Variants in MACF1 observed in about 807,000 individuals in gnomAD.
MACF1 encodes microtubule-actin cross-linking factor 1.
A neutral mutation model predicts 854.8 loss-of-function variants in MACF1; 193 were observed. That is an observed-to-expected ratio of 0.23 (90% CI 0.20 to 0.25). MACF1 has a LOEUF of 0.25. Ranked by LOEUF, MACF1 falls within the 10% of genes least tolerant of loss-of-function variation. The probability of loss-of-function intolerance (pLI) is 1.00; values close to 1 mark genes in which losing one functional copy is unlikely to be tolerated. For synonymous variants in MACF1, 3,185 were observed against 3,226.7 expected, an observed-to-expected ratio of 0.99 and a Z score of 0.44; for missense variants, 7,722 against 8,929.1, an observed-to-expected ratio of 0.86 and a Z score of 5.45.
chr1:39,208,923 A>C (rs1336471804), intron 1 of MACF1, among the ~76,000 whole-genome samples: 1 of 152,010 alleles, frequency 6.6e-6, no homozygotes, highest in Non-Finnish European at 1.5e-5. Flanking sequence ...ACTATTACTC[A>C]TCTCAGTATC....
At chr1:39,273,961 A>G (rs1007797154) in intron 6 of MACF1, among the ~76,000 whole-genome samples, 1 of 152,232 alleles carries the variant, frequency 6.6e-6, no homozygotes, top group Non-Finnish European at 1.5e-5. Flanking sequence ...AGGTGTAACA[A>G]TAGTGTTGTG....
At chr1:39,126,341 C>A (rs74393525) in intron 2 of MACF1, among the ~76,000 whole-genome samples, 2 of 152,128 alleles carry the variant, frequency 1.3e-5, no homozygotes, top group East Asian at 3.9e-4. Context: ...TTCAAATGTC[C>A]CCTTTTTATA....
rs60639051 is a variant in MACF1, at chr1:39,427,912, T to C, written c.16477-49T>C. 8,546 of 1,390,266 alleles carry C rather than the reference T, an allele frequency of 6.1e-3. 374 individuals are homozygous for C. In the African/African-American group the frequency reaches 0.1, roughly 17 times the overall value. 86.1% of individuals were successfully genotyped at this position (1,390,266 alleles called of 1,614,324 possible). A position where few individuals can be genotyped will look rare whatever the true frequency, so the allele number is the denominator to read the frequency against. On this transcript the variant is annotated intron_variant, in intron 62 of 100. Transcript: ENST00000564288. ...TGTTATTCATCATTTTGTGTTTACTTTTCATTTATTTTGTTTCTGTTATTC... is the reference window on the plus strand; with the variant it reads ...TGTTATTCATCATTTTGTGTTTACTCTTCATTTATTTTGTTTCTGTTATTC...
At chr1:39,090,513 G>T (rs1449412611) in intron 2 of MACF1, among the ~76,000 whole-genome samples, 4 of 152,250 alleles carry the variant, frequency 2.6e-5, no homozygotes, top group African/African-American at 4.8e-5. Flanking sequence ...GAGGTGCAGG[G>T]CCCCTGTGGG....
At chr1:39,410,448 C>T (rs776338628) in intron 58 of MACF1, 10 of 1,613,924 alleles carry the variant, frequency 6.2e-6, no homozygotes, top group Non-Finnish European at 8.5e-6. Flanking sequence ...CAAAAAGCAC[C>T]ATGGAAAAGA....
intron 2 of MACF1, among the ~76,000 whole-genome samples, chr1:39,186,214 CTGTGTGTGTGTG>C (rs200739487): frequency 0.011 from 640 of 57,550 alleles, 7 homozygotes; most frequent in African/African-American, 0.022. Flanking sequence ...CTCTCTCTCT[CTGTGTGTGTGTG>C]TGTGTGTGTG....
chr1:39,411,199 A>G, intron 58 of MACF1: 1 of 1,613,802 alleles, frequency 6.2e-7, no homozygotes, highest in Non-Finnish European at 8.5e-7. Context: ...CCCCAGCCTG[A>G]GAGAGAAAAC....
upstream of MACF1, among the ~76,000 whole-genome samples, chr1:39,203,771 A>C (rs1288870979): frequency 2.0e-5 from 3 of 152,170 alleles, no homozygotes. Flanking sequence ...CGTATGTATC[A>C]GTAGTTTTAT....
At chr1:39,304,565 C>CA in intron 23 of MACF1, 1 of 722,530 alleles carries the variant, frequency 1.4e-6, no homozygotes, top group Non-Finnish European at 2.2e-6. Context: ...TCTTTTCTTT[C>CA]TTTTTTTTTT....
At chr1:39,308,819 C>G (rs1646241418) in intron 23 of MACF1, among the ~76,000 whole-genome samples, 1 of 152,032 alleles carries the variant, frequency 6.6e-6, no homozygotes, top group Non-Finnish European at 1.5e-5. Context: ...CCACACCTGG[C>G]TAATTTTTGT....
chr1:39,234,727 G>C (rs1257481075), intron 2 of MACF1, among the ~76,000 whole-genome samples: 1 of 138,664 alleles, frequency 7.2e-6, no homozygotes, highest in African/African-American at 2.6e-5. Flanking sequence ...CTGCCGGGCG[G>C]AGGGGCTCCT....
At chr1:39,270,561 G>A (rs1173710274) in intron 6 of MACF1, among the ~76,000 whole-genome samples, 1 of 152,212 alleles carries the variant, frequency 6.6e-6, no homozygotes, top group Non-Finnish European at 1.5e-5. Flanking sequence ...GACTCAGCAA[G>A]ACCATGGGTA....
intron 43 of MACF1, among the ~76,000 whole-genome samples, chr1:39,352,669 C>T (rs936343059): frequency 6.6e-6 from 1 of 152,042 alleles, no homozygotes; most frequent in Non-Finnish European, 1.5e-5. Flanking sequence ...AGGCATGCAC[C>T]ACCACACCCA....
intron 2 of MACF1, 136 bp downstream of exon 2, chr1:39,231,379 T>A: frequency 2.6e-6 from 2 of 767,448 alleles, no homozygotes; most frequent in South Asian, 1.7e-5. Context: ...ACTTTTCTTT[T>A]CTCTTCTTTT....
chr1:39,314,412 GA>G (rs888050976), intron 26 of MACF1, among the ~76,000 whole-genome samples: 21 of 141,356 alleles, frequency 1.5e-4, no homozygotes, highest in African/African-American at 2.4e-4. Flanking sequence ...TCTGTCTCAA[GA>G]AAAAAAAAAG....
At chr1:39,462,107 TTCAGTGATCA>T (rs1179618030) in intron 93 of MACF1, 70 bp downstream of exon 93, 1 of 1,480,480 alleles carries the variant, frequency 6.8e-7, no homozygotes, top group East Asian at 2.3e-5. Context: ...TTTGGTTGGG[TTCAGTGATCA>T]TATTAGCCTT....
At chr1:39,404,818 C>T (rs1264001522) in intron 58 of MACF1, among the ~76,000 whole-genome samples, 2 of 152,130 alleles carry the variant, frequency 1.3e-5, no homozygotes, top group African/African-American at 4.8e-5. Flanking sequence ...GCCTTCAGCT[C>T]TCTACTTAGA....
In MACF1 at chr1:39,353,263, G is replaced by A. The variant is rs746720071; in HGVS notation, c.11424+32G>A. The A allele has an allele frequency of 3.9e-6, 6 of 1,531,264 alleles. No homozygotes were observed. The South Asian group carries it at 7.2e-5, about 18-fold the overall frequency. The allele number at this position is 1,531,264 out of a possible 1,614,324, so 94.9% of individuals were successfully genotyped here. ...GTGTTAGCTTATCCTCACTATGCTAGAGAAATCTCTCCTGCCCTGAGCAAG... is the reference window on the plus strand; with the variant it reads ...GTGTTAGCTTATCCTCACTATGCTAAAGAAATCTCTCCTGCCCTGAGCAAG... On this transcript the variant is annotated intron_variant, in intron 44 of 100. Transcript: ENST00000564288.
chr1:39,192,968 C>T (rs976999150), intron 2 of MACF1, among the ~76,000 whole-genome samples: 4 of 151,982 alleles, frequency 2.6e-5, no homozygotes, highest in South Asian at 2.1e-4. Context: ...AAAAATTAGA[C>T]GGGCATGGTG....
Sources: allele counts gnomAD v4.1 joint callset (sites outside exome capture counted in the v4.1 genomes callset), GRCh38; gene constraint gnomAD v4.1.1; transcripts MANE v1.5; gene names NCBI Gene and HGNC (gene_info 2026-07-23, HGNC 2026-07-21).